The following GALNTL6 variants were observed in gnomAD, a reference collection of about 807,000 sequenced individuals.
GALNTL6 encodes polypeptide N-acetylgalactosaminyltransferase-like 6.
A neutral mutation model predicts 73.7 loss-of-function variants in GALNTL6; 46 were observed. That is an observed-to-expected ratio of 0.62 (90% confidence interval 0.49 to 0.80). The LOEUF (loss-of-function observed/expected upper bound fraction) is 0.80, where lower values mean the gene tolerates loss of function less well. Ranked by LOEUF, GALNTL6 falls within the 30% of genes least tolerant of loss-of-function variation. The pLI is 0.00. For missense variants in GALNTL6, 604 were observed against 755.0 expected (o/e 0.80, Z 2.34); for synonymous variants, 259 against 263.7 (o/e 0.98, Z 0.17).
At chr4:172,375,132 A>ATTT (rs2111266968) in intron 5 of GALNTL6, among the ~76,000 whole-genome samples, 1 of 152,286 alleles carries the variant, frequency 6.6e-6, no homozygotes, top group Admixed American at 6.5e-5. Flanking sequence ...GGATGCTAGG[A>ATTT]TATGGGGATA....
chr4:172,517,129 A>T (rs338056), intron 5 of GALNTL6, among the ~76,000 whole-genome samples: 119,375 of 152,082 alleles, frequency 0.78, 47,301 homozygotes, highest in East Asian at 0.99. Context: ...CATGCTAAAC[A>T]CTACTAAACT....
chr4:172,126,916 C>T (rs1365143461), intron 2 of GALNTL6, among the ~76,000 whole-genome samples: 4 of 152,198 alleles, frequency 2.6e-5, no homozygotes, highest in Admixed American at 2.6e-4. Flanking sequence ...AAATGTGAGC[C>T]GTTGGCAATG....
At chr4:172,549,396 C>T (rs994259666) in intron 5 of GALNTL6, among the ~76,000 whole-genome samples, 3 of 152,280 alleles carry the variant, frequency 2.0e-5, no homozygotes, top group South Asian at 2.1e-4. Context: ...TGCCTACTGC[C>T]TAACGTGTGC....
chr4:172,421,472 T>C (rs1731050975), intron 5 of GALNTL6, among the ~76,000 whole-genome samples: 1 of 151,896 alleles, frequency 6.6e-6, no homozygotes. Context: ...ATAGAAAACT[T>C]TTAATGGCTA....
At chr4:172,720,542 C>T (rs545378901) in intron 5 of GALNTL6, among the ~76,000 whole-genome samples, 63 of 152,300 alleles carry the variant, frequency 4.1e-4, no homozygotes, top group African/African-American at 1.4e-3. Context: ...CTCTGGTTCA[C>T]GCATCTCTGA....
chr4:172,315,490 G>T (rs969377787), intron 4 of GALNTL6, among the ~76,000 whole-genome samples: 13 of 152,094 alleles, frequency 8.5e-5, no homozygotes, highest in African/African-American at 2.9e-4. Context: ...CCTGACCTCA[G>T]TCTGCCTGCC....
intron 2 of GALNTL6, among the ~76,000 whole-genome samples, chr4:172,146,418 C>A (rs6553609): frequency 0.44 from 67,528 of 151,922 alleles, 15,658 homozygotes; most frequent in African/African-American, 0.56. Context: ...AACTTTATGT[C>A]CAGGATCACT....
rs1193655071 is a variant in GALNTL6, at chr4:171,967,199, T to C, written c.138+152481T>C. On this transcript the variant is annotated intron_variant, in intron 2 of 12. Coordinates refer to ENST00000506823, the MANE Select transcript of GALNTL6 (RefSeq NM_001034845.3). ...AAAATGTGTTTTCAGTTTGATAAAA[T>C]AGCTGCTAGATTATAAACAAGTGTT... Among the ~76,000 whole-genome samples the C allele has an allele frequency of 5.9e-5, 9 of 152,232 alleles. No homozygotes were observed. In the East Asian group the frequency reaches 1.7e-3, roughly 29 times the overall value.
chr4:172,464,802 T>C (rs906856137), intron 5 of GALNTL6, among the ~76,000 whole-genome samples: 2 of 152,134 alleles, frequency 1.3e-5, no homozygotes, highest in African/African-American at 4.8e-5. Flanking sequence ...ATGTACACTT[T>C]AAGCTGGAGA....
chr4:173,033,872 G>A (rs529462173), intron 12 of GALNTL6, among the ~76,000 whole-genome samples: 1 of 152,236 alleles, frequency 6.6e-6, no homozygotes, highest in East Asian at 1.9e-4. Context: ...AAATTGATAG[G>A]AGGGGGTAAC....
intron 5 of GALNTL6, among the ~76,000 whole-genome samples, chr4:172,495,151 T>A (rs903772359): frequency 3.3e-5 from 5 of 151,984 alleles, no homozygotes; most frequent in Non-Finnish European, 5.9e-5. Context: ...TATAACAAAT[T>A]AAGCATGCTC....
At chr4:172,958,441 A>T (rs887644437) in intron 10 of GALNTL6, among the ~76,000 whole-genome samples, 5 of 152,124 alleles carry the variant, frequency 3.3e-5, no homozygotes, top group Admixed American at 2.0e-4. Flanking sequence ...AAGGAACAGA[A>T]AGAGGAGTGG....
chr4:172,243,250 A>G (rs911725640), intron 3 of GALNTL6, among the ~76,000 whole-genome samples: 18 of 152,066 alleles, frequency 1.2e-4, no homozygotes, highest in Non-Finnish European at 1.6e-4. Flanking sequence ...CCCCTTCCTT[A>G]AGGTCACCAG....
chr4:172,196,252 A>C (rs912822544), intron 2 of GALNTL6, among the ~76,000 whole-genome samples: 1 of 152,180 alleles, frequency 6.6e-6, no homozygotes, highest in Non-Finnish European at 1.5e-5. Flanking sequence ...AATACGAAGA[A>C]GGTGAATCCG....
chr4:172,959,804 G>A (rs1749947158), intron 10 of GALNTL6, among the ~76,000 whole-genome samples: 1 of 152,172 alleles, frequency 6.6e-6, no homozygotes, highest in Admixed American at 6.5e-5. Flanking sequence ...GCATTCCTTG[G>A]CCCAGTGGCC....
chr4:172,047,254 T>C (rs1358745194), intron 2 of GALNTL6, among the ~76,000 whole-genome samples: 6 of 152,158 alleles, frequency 3.9e-5, no homozygotes. Context: ...AATTTTTCCA[T>C]TCAGTTTTAC....
intron 2 of GALNTL6, among the ~76,000 whole-genome samples, chr4:172,096,084 C>CGG (rs1553992000): frequency 2.8e-4 from 41 of 147,076 alleles, no homozygotes; most frequent in African/African-American, 7.3e-4. Context: ...CTCTCTCTTT[C>CGG]TGTGTGTGTG....
chr4:171,944,654 G>A (rs74463328), intron 2 of GALNTL6, among the ~76,000 whole-genome samples: 2,971 of 151,896 alleles, frequency 0.02, 99 homozygotes, highest in African/African-American at 0.068. Context: ...ATCTTAGACA[G>A]GTAGGAGAGT....
intron 2 of GALNTL6, among the ~76,000 whole-genome samples, chr4:172,178,902 G>A (rs1450984783): frequency 6.2e-4 from 66 of 107,270 alleles, no homozygotes; most frequent in Non-Finnish European, 1.0e-3. Context: ...GAGAATATGC[G>A]GTGTTTGGTT....
Sources: allele counts gnomAD v4.1 joint callset (sites outside exome capture counted in the v4.1 genomes callset), GRCh38; gene constraint gnomAD v4.1.1; transcripts MANE v1.5; gene names NCBI Gene and HGNC (gene_info 2026-07-23, HGNC 2026-07-21).